Variants in TGFB1 observed in about 807,000 individuals in gnomAD.
TGFB1 encodes transforming growth factor beta-1 proprotein.
In TGFB1, 19 loss-of-function variants were observed where a neutral mutation model predicts 43.8. The ratio of observed to expected loss-of-function variants is 0.43; its 90% CI spans 0.30 to 0.64. TGFB1 has a LOEUF of 0.64. Among genes scored for constraint, TGFB1 ranks in the 30% least tolerant of loss-of-function variants. TGFB1 has a pLI of 0.11. For missense variants in TGFB1, 445 were observed against 529.8 expected (o/e 0.84, Z 1.57); for synonymous variants, 221 against 236.3 (o/e 0.94, Z 0.60).
rs2241716 is a variant in TGFB1, at chr19:41,348,181, C to T, written c.516+114G>A. On this transcript the variant is annotated intron_variant, in intron 2 of 6. Coordinates refer to ENST00000221930, the MANE Select transcript of TGFB1 (RefSeq NM_000660.7). ...ATTGTATGGTTTGTGTTCTTCTATC[C>T]TTCAGGGACCATCTAGGTGGACCTT... 34,201 of 1,219,444 alleles carry T rather than the reference C, an allele frequency of 0.028. 3,167 individuals carry two copies. In the East Asian group the frequency reaches 0.33, roughly 12 times the overall value. 75.5% of individuals were successfully genotyped at this position (1,219,444 alleles called of 1,614,324 possible).
Position 41,348,442 on chromosome 19 carries a change from C to A in TGFB1, c.369G>T (p.Lys123Asn), listed in dbSNP as rs766838405. 3.1e-6 allele frequency: 5 copies of A among 1,613,204 alleles called. No homozygotes were observed. In the South Asian group the frequency reaches 4.4e-5, roughly 14 times the overall value. The change falls in exon 2 of 7, where the codon AAG becomes AAT. Residue 123 changes from lysine (K) to asparagine (N), a missense_variant. Lys to Asn is a moderately conservative substitution (Grantham distance 94). Transcript: ENST00000221930. Reference protein sequence around the residue: ...MVETHNEIYDKFKQSTHSIYM... With the variant: ...MVETHNEIYDNFKQSTHSIYM... ...ATATGCTGTGTGTACTCTGCTTGAA[C>A]TTGTCATAGATTTCTAGCAGGGAGA...
chr19:41,333,917 C>G (rs1484678456), intron 5 of TGFB1, among the ~76,000 whole-genome samples: 1 of 152,178 alleles, frequency 6.6e-6, no homozygotes, highest in Non-Finnish European at 1.5e-5. Flanking sequence ...TCTTAATTAC[C>G]GATGACGCTG....
chr19:41,353,340 T>C lies in TGFB1; in HGVS notation c.-296A>G, dbSNP rs2038240109. On this transcript the variant is annotated 5_prime_UTR_variant, in exon 1 of 7. Transcript: ENST00000221930. This position sits in a 1 kb window ranked among gnomAD's most constrained non-coding sequence, Gnocchi z 5.9. ...GATCCGTCTCCTGGAGGAGAAAGGG[T>C]CTAGGATGCGCGGGGGCTCAGGAGA... 2.7e-6 allele frequency: 1 copy of C among 369,036 alleles called. No homozygotes were observed. The highest frequency in any genetic ancestry group is 4.5e-5 in the East Asian group (1 of 22,106). The allele number at this position is 369,036 out of a possible 1,614,324, so 22.9% of individuals were successfully genotyped here. A position where few individuals can be genotyped will look rare whatever the true frequency, so the allele number is the denominator to read the frequency against.
intron 5 of TGFB1, among the ~76,000 whole-genome samples, chr19:41,341,424 G>A (rs969727278): frequency 5.7e-5 from 7 of 123,284 alleles, no homozygotes; most frequent in Admixed American, 5.4e-4. Context: ...TCAAGATAGC[G>A]CCACTGCACT....
intron 1 of TGFB1, chr19:41,350,808 C>A (rs1327988690): frequency 6.6e-6 from 1 of 152,366 alleles, no homozygotes; most frequent in Non-Finnish European, 1.5e-5. Flanking sequence ...CCCACCCAGC[C>A]CCAGTAAGCC....
intron 1 of TGFB1, 55 bp from the exon 2 acceptor site, chr19:41,348,510 C>G (rs917141610): frequency 6.9e-6 from 11 of 1,596,866 alleles, no homozygotes; most frequent in Non-Finnish European, 9.4e-6. Context: ...GTGAGGGGAG[C>G]TGGTGCTCCC....
In TGFB1 at chr19:41,353,080, C is replaced by G. The variant is rs200135233; in HGVS notation, c.-36G>C. 3 of 1,497,784 alleles carry G rather than the reference C, an allele frequency of 2.0e-6. No homozygotes were observed. Among genetic ancestry groups the G allele is most frequent in the Non-Finnish European group, 8.9e-7 (1 of 1,129,090 alleles). The allele number at this position is 1,497,784 out of a possible 1,614,324, so 92.8% of individuals were successfully genotyped here. On this transcript the variant is annotated 5_prime_UTR_variant, in exon 1 of 7. Coordinates refer to ENST00000221930, the MANE Select transcript of TGFB1 (RefSeq NM_000660.7). The surrounding 1 kb of genome is among the most constrained non-coding windows in gnomAD (Gnocchi z 5.9). ...GCGCCCCCCGGCACTGCCGAGAGCG[C>G]GAACAGGGCTGGTGTGGTGGGGAGG...
intron 5 of TGFB1, among the ~76,000 whole-genome samples, chr19:41,335,687 G>A (rs372034294): frequency 1.4e-3 from 213 of 152,230 alleles, no homozygotes; most frequent in South Asian, 0.013. Flanking sequence ...AGCCTCTTCC[G>A]TCCAGTCTCT....
At chr19:41,332,591 G>A (rs1395253061) in intron 5 of TGFB1, among the ~76,000 whole-genome samples, 1 of 152,194 alleles carries the variant, frequency 6.6e-6, no homozygotes, top group Non-Finnish European at 1.5e-5. Context: ...CCACACCCTG[G>A]AACATACAAA....
At chr19:41,343,068 T>C (rs945965065) in intron 3 of TGFB1, among the ~76,000 whole-genome samples, 2 of 152,160 alleles carry the variant, frequency 1.3e-5, no homozygotes, top group Non-Finnish European at 1.5e-5. Flanking sequence ...TTCTAGGCCT[T>C]TGTCGAACAG....
rs62120999 is a variant in TGFB1, at chr19:41,350,027, C to T, written c.356-1572G>A. ...ACAGGGTCTCACTCTGTCCCCCAGA[C>T]GGAAGTGCAGTAGCACAACCATGGC... On this transcript the variant is annotated intron_variant, in intron 1 of 6. Transcript: ENST00000221930. Among the ~76,000 whole-genome samples the T allele has an allele frequency of 9.5e-4, 144 of 151,798 alleles. 1 individual carries two copies. Among genetic ancestry groups the T allele is most frequent in the Non-Finnish European group, 1.6e-3 (107 of 67,942 alleles).
chr19:41,340,407 G>A (rs935167147), intron 5 of TGFB1, among the ~76,000 whole-genome samples: 3 of 151,570 alleles, frequency 2.0e-5, no homozygotes, highest in African/African-American at 7.3e-5. Context: ...AATCCCAGCC[G>A]AGTAGCTGGG....
chr19:41,346,524 G>A (rs2038117910), intron 2 of TGFB1, among the ~76,000 whole-genome samples: 1 of 152,260 alleles, frequency 6.6e-6, no homozygotes, highest in South Asian at 2.1e-4. Context: ...CTCTGATATG[G>A]ATTCTAGCTC....
At chr19:41,352,574 G>A (rs1002943199) in intron 1 of TGFB1, 116 bp downstream of exon 1, 14 of 1,260,208 alleles carry the variant, frequency 1.1e-5, no homozygotes, top group East Asian at 2.5e-5. Flanking sequence ...CCTTTGCCCC[G>A]GGGTGTCCTC....
At position 41,335,624 on chromosome 19, in the gene TGFB1, C is replaced by G. The variant is rs191990847; in HGVS notation, c.861-3343G>C. 1.9e-3 allele frequency among the ~76,000 whole-genome samples: 285 copies of G among 152,308 alleles called. 1 individual carries two copies. Among genetic ancestry groups the G allele is most frequent in the African/African-American group, 6.5e-3 (272 of 41,568 alleles). On this transcript the variant is annotated intron_variant, in intron 5 of 6. Transcript: ENST00000221930. The stretch of plus-strand genomic sequence containing the variant: ...CTGACTCATTTTTTCAGCACACATT[C>G]GGGGCCTACCCTGCACCGGGCCTTG...
rs112172995 is a variant in TGFB1, at chr19:41,343,004, C to T, written c.635-757G>A. The stretch of plus-strand genomic sequence containing the variant: ...TGTTTTCTAGGCTCCTACAATGTGC[C>T]GAAGCCTGTGCTGTGTGCTTGGGAC... On this transcript the variant is annotated intron_variant, in intron 3 of 6. Coordinates refer to ENST00000221930, the MANE Select transcript of TGFB1 (RefSeq NM_000660.7). Among the ~76,000 whole-genome samples, 18 of 152,216 alleles carry T rather than the reference C, an allele frequency of 1.2e-4. 1 individual carries two copies. Among genetic ancestry groups the T allele is most frequent in the African/African-American group, 2.9e-4 (12 of 41,540 alleles).
chr19:41,333,551 C>T lies in TGFB1; in HGVS notation c.861-1270G>A, dbSNP rs137885540. ...TAATTTGTTATTCTTTTTAGAGACA[C>T]GGTCTCACTATGTTGCTGAGGCTGG... On this transcript the variant is annotated intron_variant, in intron 5 of 6. Transcript: ENST00000221930. 5.0e-3 allele frequency among the ~76,000 whole-genome samples: 755 copies of T among 152,202 alleles called. 7 individuals carry two copies. The highest frequency in any genetic ancestry group is 0.024 in the Middle Eastern group (7 of 294).
intron 3 of TGFB1, among the ~76,000 whole-genome samples, chr19:41,342,942 C>T (rs1279783709): frequency 1.3e-5 from 2 of 151,380 alleles, no homozygotes; most frequent in East Asian, 3.9e-4. Context: ...CCACTGCACC[C>T]AGCCAGCATC....
rs760353294 is a variant in TGFB1, at chr19:41,342,121, C to T, written c.712+49G>A. 1.9e-6 allele frequency: 3 copies of T among 1,611,676 alleles called. No individual in the cohort carries two copies. The South Asian group carries it at 3.3e-5, about 18-fold the overall frequency. On this transcript the variant is annotated intron_variant, in intron 4 of 6. Transcript: ENST00000221930. ...GGGGCGTGGGGCAGATGGGAACACA[C>T]ACACGCACACACGTCACAACTGGGC...
Sources: allele counts gnomAD v4.1 joint callset (sites outside exome capture counted in the v4.1 genomes callset), GRCh38; gene constraint gnomAD v4.1.1; non-coding constraint Gnocchi (gnomAD v3.1); transcripts MANE v1.5; gene names NCBI Gene and HGNC (gene_info 2026-07-23, HGNC 2026-07-21).